The following SMARCC1 variants were observed in gnomAD, a reference collection of about 807,000 sequenced individuals.
SMARCC1 encodes SWI/SNF complex subunit SMARCC1.
SMARCC1 carries 43 observed loss-of-function variants against 147.4 expected under a neutral mutation model. That is an observed-to-expected ratio of 0.29 (90% CI 0.23 to 0.38). The LOEUF (loss-of-function observed/expected upper bound fraction) is 0.38. SMARCC1 is among the 10% of genes least tolerant of loss of function. The pLI, the probability that SMARCC1 is intolerant of heterozygous loss-of-function variation, is 1.00. For missense variants in SMARCC1, 1,119 were observed against 1,381.1 expected (o/e 0.81, Z 3.01); for synonymous variants, 495 against 484.4 (o/e 1.02, Z -0.29).
chr3:47,776,707 T>G lies in SMARCC1; in HGVS notation c.196-3771A>C, dbSNP rs184232449. 2.4e-4 allele frequency among the ~76,000 whole-genome samples: 37 copies of G among 152,122 alleles called. No individual in the cohort carries two copies. In the East Asian group the frequency reaches 6.9e-3, roughly 29 times the overall value. ...AAAAGGCTGTTCAGATGGAACCAAA[T>G]CAACATTTCAGGTAAATATACATAT... On this transcript the variant is annotated intron_variant, in intron 1 of 27. Transcript: ENST00000254480.
Position 47,634,688 on chromosome 3 carries a change from T to C in SMARCC1, c.2646+502A>G, listed in dbSNP as rs555460732. On this transcript the variant is annotated intron_variant, in intron 24 of 27. Transcript: ENST00000254480. ...CTTAAATATGCTCTGCAGCTAATAC[T>C]ATAAATAGAAAAAACCACCCCCAGA... 3.9e-5 allele frequency among the ~76,000 whole-genome samples: 6 copies of C among 152,266 alleles called. No individual in the cohort carries two copies. The East Asian group carries it at 5.8e-4, about 15-fold the overall frequency.
intron 8 of SMARCC1, among the ~76,000 whole-genome samples, chr3:47,713,240 C>G (rs2034111927): frequency 6.6e-6 from 1 of 151,860 alleles, no homozygotes; most frequent in Non-Finnish European, 1.5e-5. Flanking sequence ...ATGGTGTGAA[C>G]CCGGGAGGTG....
Position 47,650,294 on chromosome 3 carries a change from TAA to T in SMARCC1, c.2320+10998_2320+10999del, listed in dbSNP as rs34714016. ...CTGTTTAAAATAATAATAATAATAATAATAATTATTATTATTATTATTATTCA... is the reference window on the plus strand; with the variant it reads ...CTGTTTAAAATAATAATAATAATAATTAATTATTATTATTATTATTATTCA... On this transcript the variant is annotated intron_variant, in intron 21 of 27. Transcript: ENST00000254480. Among the ~76,000 whole-genome samples, 281 of 141,424 alleles carry T rather than the reference TAA, an allele frequency of 2.0e-3. 1 individual carries two copies. The highest frequency in any genetic ancestry group is 6.8e-3 in the African/African-American group (268 of 39,490). 92.8% of individuals were successfully genotyped at this position (141,424 alleles called of 152,430 possible).
In SMARCC1 at chr3:47,588,516, T is replaced by G. The variant is rs529978130; in HGVS notation, c.3221-210A>C. Among the ~76,000 whole-genome samples the G allele has an allele frequency of 4.5e-3, 681 of 152,242 alleles. 6 individuals are homozygous for G. Among genetic ancestry groups the G allele is most frequent in the Admixed American group, 8.8e-3 (134 of 15,282 alleles). ...CTCAAGTTGCTTAGCCTAACCCTAGTGGCTGGGGAGTGGGAGGTGTCTGAA... is the reference window on the plus strand; with the variant it reads ...CTCAAGTTGCTTAGCCTAACCCTAGGGGCTGGGGAGTGGGAGGTGTCTGAA... On this transcript the variant is annotated intron_variant, in intron 27 of 27. Coordinates refer to ENST00000254480, the MANE Select transcript of SMARCC1 (RefSeq NM_003074.4).
At chr3:47,658,665 T>C (rs989856786) in intron 21 of SMARCC1, among the ~76,000 whole-genome samples, 5 of 152,212 alleles carry the variant, frequency 3.3e-5, no homozygotes, top group Non-Finnish European at 7.3e-5. Flanking sequence ...GCTTATCACA[T>C]ATCAGATGAT....
At chr3:47,713,430 A>AT (rs1268478325) in intron 8 of SMARCC1, among the ~76,000 whole-genome samples, 14 of 152,178 alleles carry the variant, frequency 9.2e-5, no homozygotes, top group African/African-American at 1.2e-4. Context: ...TGTAAAATTA[A>AT]TTTTTTTGTT....
chr3:47,773,598 A>G (rs538354051), intron 1 of SMARCC1, among the ~76,000 whole-genome samples: 2 of 152,140 alleles, frequency 1.3e-5, no homozygotes, highest in Admixed American at 6.6e-5. Context: ...TACATGTTCA[A>G]TATCACTTTG....
intron 5 of SMARCC1, among the ~76,000 whole-genome samples, chr3:47,733,265 A>C (rs1470427954): frequency 6.6e-6 from 1 of 152,144 alleles, no homozygotes; most frequent in African/African-American, 2.4e-5. Context: ...ATTTAAAAAA[A>C]GGAGCAGGGC....
Position 47,683,188 on chromosome 3 carries a change from G to A in SMARCC1, c.1386-2680C>T, listed in dbSNP as rs140896473. 9.7e-4 allele frequency among the ~76,000 whole-genome samples: 148 copies of A among 152,076 alleles called. 2 individuals carry two copies. In the East Asian group the frequency reaches 0.023, roughly 23 times the overall value. ...CTCCTGAGTAGCTGGGAATACACGCGCCCGCCACCACGCCCGGCTCATTTT... is the reference window on the plus strand; with the variant it reads ...CTCCTGAGTAGCTGGGAATACACGCACCCGCCACCACGCCCGGCTCATTTT... On this transcript the variant is annotated intron_variant, in intron 14 of 27. Coordinates refer to ENST00000254480, the MANE Select transcript of SMARCC1 (RefSeq NM_003074.4).
chr3:47,639,289 G>C lies in SMARCC1; in HGVS notation c.2321-509C>G, dbSNP rs190063775. Among the ~76,000 whole-genome samples, 12 of 152,202 alleles carry C rather than the reference G, an allele frequency of 7.9e-5. No individual in the cohort carries two copies. In the East Asian group the frequency reaches 2.1e-3, roughly 27 times the overall value. On this transcript the variant is annotated intron_variant, in intron 21 of 27. Transcript: ENST00000254480. ...GAAATCTCAAGAGGATATCATTTTGGCTAGACAGGACACAAACCAGCACAG... is the reference window on the plus strand; with the variant it reads ...GAAATCTCAAGAGGATATCATTTTGCCTAGACAGGACACAAACCAGCACAG...
intron 7 of SMARCC1, among the ~76,000 whole-genome samples, chr3:47,719,562 A>G (rs991658992): frequency 2.0e-5 from 3 of 151,704 alleles, no homozygotes; most frequent in African/African-American, 7.3e-5. Context: ...TTAGCCAGGC[A>G]TGGTTGGGGG....
intron 5 of SMARCC1, among the ~76,000 whole-genome samples, chr3:47,731,861 A>C (rs996714932): frequency 6.6e-6 from 1 of 152,184 alleles, no homozygotes; most frequent in Admixed American, 6.5e-5. Context: ...GATGTACAAT[A>C]ATCTGTAGGG....
chr3:47,675,748 C>T (rs1341375931), intron 17 of SMARCC1, among the ~76,000 whole-genome samples, 160 bp from the exon 18 acceptor site: 2 of 152,088 alleles, frequency 1.3e-5, no homozygotes, highest in Non-Finnish European at 2.9e-5. Context: ...GAGTTCAAGA[C>T]CAGCCTGACC....
Position 47,738,097 on chromosome 3 carries a change from G to C in SMARCC1, c.415C>G (p.Leu139Val), listed in dbSNP as rs932680690. 4.5e-6 allele frequency: 7 copies of C among 1,568,134 alleles called. No homozygotes were observed. Among genetic ancestry groups the C allele is most frequent in the Non-Finnish European group, 6.0e-6 (7 of 1,158,804 alleles). The stretch of plus-strand genomic sequence containing the variant: ...CGATCCATTCGAGATGGGTTCTGTA[G>C]GTCAAACCTCCGCCTAAAAAAAAAG... ...KNEQGWRRFD[L>V]QNPSRMDRNV... The change falls in exon 4 of 28, where the codon CTA (leucine) becomes GTA (valine). Residue 139 changes from leucine (L) to valine (V), a missense_variant. Transcript: ENST00000254480.
intron 3 of SMARCC1, among the ~76,000 whole-genome samples, chr3:47,740,850 C>CAAAAAAAAAAAAAA (rs60339024): frequency 1.3e-5 from 1 of 77,880 alleles, no homozygotes; most frequent in African/African-American, 4.0e-5. Context: ...GACTCTGACT[C>CAAAAAAAAAAAAAA]AAAAAAAAAA....
chr3:47,589,294 G>A (rs1035646723), intron 27 of SMARCC1, among the ~76,000 whole-genome samples: 2 of 152,148 alleles, frequency 1.3e-5, no homozygotes, highest in African/African-American at 2.4e-5. Context: ...GCAGCAGGTG[G>A]GAAGGTTCCA....
At chr3:47,605,975 T>C (rs1381352255) in intron 26 of SMARCC1, among the ~76,000 whole-genome samples, 1 of 151,606 alleles carries the variant, frequency 6.6e-6, no homozygotes, top group Non-Finnish European at 1.5e-5. Context: ...AACTCATCAA[T>C]TCTGCAAGTA....
At chr3:47,596,362 G>A (rs2032281997) in intron 26 of SMARCC1, among the ~76,000 whole-genome samples, 1 of 151,964 alleles carries the variant, frequency 6.6e-6, no homozygotes, top group Non-Finnish European at 1.5e-5. Context: ...GAGGTCAGGA[G>A]TTCAAGACCA....
intron 16 of SMARCC1, among the ~76,000 whole-genome samples, chr3:47,677,977 C>T (rs2033595220): frequency 1.3e-5 from 2 of 151,464 alleles, no homozygotes; most frequent in African/African-American, 4.9e-5. Context: ...ACTGTGAAAC[C>T]CCATCTTGAC....
Sources: allele counts gnomAD v4.1 joint callset (sites outside exome capture counted in the v4.1 genomes callset), GRCh38; gene constraint gnomAD v4.1.1; transcripts MANE v1.5; gene names NCBI Gene and HGNC (gene_info 2026-07-23, HGNC 2026-07-21).